TGFBRAP1: variants seen among roughly 807,000 people sequenced by gnomAD.
The protein encoded by TGFBRAP1 is transforming growth factor beta receptor associated protein 1.
In TGFBRAP1, 20 loss-of-function variants were observed where a neutral mutation model predicts 83.2. The observed-to-expected ratio is 0.24, with a 90% CI of 0.17 to 0.35. The LOEUF (loss-of-function observed/expected upper bound fraction) is 0.35, where lower values mean the gene tolerates loss of function less well. Ranked by LOEUF, TGFBRAP1 falls within the 10% of genes least tolerant of loss-of-function variation. The pLI is 1.00. For synonymous variants in TGFBRAP1, 415 were observed against 459.8 expected (o/e 0.90, Z 1.25); for missense variants, 950 against 1,099.4 (o/e 0.86, Z 1.92).
Position 105,269,282 on chromosome 2 carries a change from G to A in TGFBRAP1, c.2396C>T (p.Thr799Ile), listed in dbSNP as rs1388442740. 1 of 1,604,002 alleles carries A rather than the reference G, an allele frequency of 6.2e-7. No individual in the cohort carries two copies. Among genetic ancestry groups the A allele is most frequent in the Admixed American group, 1.7e-5 (1 of 59,748 alleles). The change falls in exon 11 of 12, where the codon ACC becomes ATC. Residue 799 changes from threonine to isoleucine, a missense_variant. Transcript: ENST00000393359. This position sits in a 1 kb window ranked among gnomAD's most constrained non-coding sequence, Gnocchi z 4.1. ...GGGGCCAGCACTTACCTTATCGTAG[G>A]TGTAGATTAAGTTTTCGGACCTGGC... The part of the protein sequence containing the change: ...GLARSENLIY[T>I]YDKMKLKGSS...
At chr2:105,279,895 G>C (rs1677472498) in intron 6 of TGFBRAP1, among the ~76,000 whole-genome samples, 1 of 151,844 alleles carries the variant, frequency 6.6e-6, no homozygotes, top group Non-Finnish European at 1.5e-5. Context: ...AAAATTACCT[G>C]GGTGTGGTGG....
chr2:105,284,253 A>T, intron 5 of TGFBRAP1, 63 bp downstream of exon 5: 1 of 1,493,000 alleles, frequency 6.7e-7, no homozygotes, highest in South Asian at 1.1e-5. Context: ...CACACCAGAA[A>T]CGCAGGTTCT....
rs540888174 is a variant in TGFBRAP1, at chr2:105,284,393, C to A, written c.1044G>T (p.Met348Ile). ...RNIPKEKFQV[M>I]YRRILQQAGF... ...CCGCCTGCTGCAGAATCCTTCTGTA[C>A]ATTACCTGCAAGGAAAGACGGGTGT... Residue 348 changes from methionine (M) to isoleucine (I), a missense_variant, in exon 5 of 12, where the codon ATG (methionine) becomes ATT (isoleucine). Physicochemically the swap from Met to Ile is conservative, Grantham distance 10 (BLOSUM62 1). Coordinates refer to ENST00000393359, the MANE Select transcript of TGFBRAP1 (RefSeq NM_004257.6). The A allele has an allele frequency of 6.2e-7, 1 of 1,613,914 alleles. No individual in the cohort carries two copies. Among genetic ancestry groups the A allele is most frequent in the South Asian group, 1.1e-5 (1 of 91,072 alleles).
At chr2:105,326,286 C>T (rs1679225107) in intron 1 of TGFBRAP1, among the ~76,000 whole-genome samples, 2 of 151,986 alleles carry the variant, frequency 1.3e-5, no homozygotes, top group South Asian at 2.1e-4. Context: ...AATATACATC[C>T]TATAAGAGTA....
chr2:105,274,417 T>C (rs1340788667), intron 8 of TGFBRAP1, among the ~76,000 whole-genome samples: 1 of 152,256 alleles, frequency 6.6e-6, no homozygotes, highest in South Asian at 2.1e-4. Context: ...TCATGTATTA[T>C]GGTATGAATT....
At chr2:105,252,903 C>T in the TGFBRAP1 span, among the ~76,000 whole-genome samples, 1 of 151,506 alleles carries the variant, frequency 6.6e-6, no homozygotes, top group Non-Finnish European at 1.5e-5. Flanking sequence ...CAGGGGTCCA[C>T]CACCACACCC....
Position 105,267,071 on chromosome 2 carries a change from CTTTT to C in TGFBRAP1, c.*308_*311del. 4.5e-6 allele frequency: 1 copy of C among 221,926 alleles called. No individual in the cohort carries two copies. Among genetic ancestry groups the C allele is most frequent in the Non-Finnish European group, 8.7e-6 (1 of 115,128 alleles). The allele number at this position is 221,926 out of a possible 1,614,324, so 13.7% of individuals were successfully genotyped here. On this transcript the variant is annotated 3_prime_UTR_variant, in exon 12 of 12. Coordinates refer to ENST00000393359, the MANE Select transcript of TGFBRAP1 (RefSeq NM_004257.6). ...GTCTGGACTGCATGAGGAAGACTCC[CTTTT>C]TTTTTTTTTCAAAGTAGACCTCTGT...
At chr2:105,303,295 C>T (rs540637702) in intron 2 of TGFBRAP1, among the ~76,000 whole-genome samples, 2 of 152,204 alleles carry the variant, frequency 1.3e-5, no homozygotes, top group African/African-American at 4.8e-5. Context: ...AAAAGACATA[C>T]TTCCCAGCAC....
Position 105,308,287 on chromosome 2 carries a change from T to G in TGFBRAP1, c.15A>C (p.Lys5Asn). MMSIKAFTLVSAVER... is the reference protein window; with the variant it reads MMSINAFTLVSAVER... ...CCACAGCAGAGACAAGCGTAAAGGC[T>G]TTGATGCTCATCATGTCTACTGGCT... Residue 5 changes from lysine to asparagine, a missense_variant, in exon 2 of 12, where the codon AAA becomes AAC. By Grantham distance (94) the Lys-to-Asn change is moderately conservative (BLOSUM62 0). Coordinates refer to ENST00000393359, the MANE Select transcript of TGFBRAP1 (RefSeq NM_004257.6). 6.2e-7 allele frequency: 1 copy of G among 1,609,192 alleles called. No homozygotes were observed. Among genetic ancestry groups the G allele is most frequent in the Non-Finnish European group, 8.5e-7 (1 of 1,175,936 alleles).
At chr2:105,296,328 A>T (rs752180337) in intron 4 of TGFBRAP1, 28 bp downstream of exon 4, 2 of 1,612,644 alleles carry the variant, frequency 1.2e-6, no homozygotes, top group Non-Finnish European at 1.7e-6. Flanking sequence ...ACTTAGAGGC[A>T]TATTTCTGTG....
rs1676969844 is a variant in TGFBRAP1 at position 105,267,179 on chromosome 2, TTCATAGAGCCTGGTCATTCCATGTAC to T, written c.*178_*203del. On this transcript the variant is annotated 3_prime_UTR_variant, in exon 12 of 12. Coordinates refer to ENST00000393359, the MANE Select transcript of TGFBRAP1 (RefSeq NM_004257.6). ...GATTTTTAGGGGTTTTCCATGTACA[TTCATAGAGCCTGGTCATTCCATGTAC>T]ATTCATAGAGCCTGGTCAGCAGCGA... 1.7e-4 allele frequency: 6 copies of T among 34,394 alleles called. No individual in the cohort carries two copies. Among genetic ancestry groups the T allele is most frequent in the African/African-American group, 1.7e-3 (5 of 2,990 alleles). The allele number at this position is 34,394 out of a possible 1,614,324, so 2.1% of individuals were successfully genotyped here. A position where few individuals can be genotyped will look rare whatever the true frequency, so the allele number is the denominator to read the frequency against.
Position 105,278,068 on chromosome 2 carries a change from ATGTGTGTGTGTGTGTG to A in TGFBRAP1, c.1464-413_1464-398del, listed in dbSNP as rs56983977. On this transcript the variant is annotated intron_variant, in intron 6 of 11. Transcript: ENST00000393359. ...AGTGAGACCCTGTCTCAAAAAATAT[ATGTGTGTGTGTGTGTG>A]TGTGTGTGTGTGTGTGTGTGTGTGT... Among the ~76,000 whole-genome samples, 731 of 145,478 alleles carry A rather than the reference ATGTGTGTGTGTGTGTG, an allele frequency of 5.0e-3. 4 individuals are homozygous for A. Among genetic ancestry groups the A allele is most frequent in the East Asian group, 0.01 (49 of 4,770 alleles).
At chr2:105,262,778 G>A (rs1239459582), downstream of TGFBRAP1, among the ~76,000 whole-genome samples, 1 of 152,218 alleles carries the variant, frequency 6.6e-6, no homozygotes, top group African/African-American at 2.4e-5. Flanking sequence ...CAGGCTGAAT[G>A]ATAGCTATTT....
At chr2:105,329,577 C>T (rs1202617357) in intron 1 of TGFBRAP1, 48 bp downstream of exon 1, 7 of 148,890 alleles carry the variant, frequency 4.7e-5, no homozygotes, top group Non-Finnish European at 6.0e-5. Flanking sequence ...CCCACGCGCC[C>T]CGCGCCCTGA....
At chr2:105,278,405 T>A (rs958539141) in intron 6 of TGFBRAP1, among the ~76,000 whole-genome samples, 2 of 152,184 alleles carry the variant, frequency 1.3e-5, no homozygotes, top group African/African-American at 4.8e-5. Context: ...GCAGGGGCTC[T>A]GAACATGAGG....
chr2:105,251,458 GC>G, the TGFBRAP1 span, among the ~76,000 whole-genome samples: 1 of 150,544 alleles, frequency 6.6e-6, no homozygotes, highest in African/African-American at 2.5e-5. Flanking sequence ...CCTGGCAACC[GC>G]CCCGTCTGAG....
intron 1 of TGFBRAP1, among the ~76,000 whole-genome samples, chr2:105,325,311 A>C (rs1171231391): frequency 1.3e-5 from 2 of 152,122 alleles, no homozygotes; most frequent in African/African-American, 4.8e-5. Context: ...GTTTGGTGGG[A>C]TACTGCACAC....
At chr2:105,319,032 C>T (rs1378364400) in intron 1 of TGFBRAP1, among the ~76,000 whole-genome samples, 1 of 152,078 alleles carries the variant, frequency 6.6e-6, no homozygotes, top group Non-Finnish European at 1.5e-5. Flanking sequence ...AAAGTCACAG[C>T]AGGAAGAATA....
the TGFBRAP1 span, among the ~76,000 whole-genome samples, chr2:105,256,160 T>C: frequency 1.3e-5 from 2 of 152,248 alleles, no homozygotes; most frequent in Admixed American, 6.5e-5. Context: ...ACAGGCAGAA[T>C]ACCAGAAGGA....
Sources: allele counts gnomAD v4.1 joint callset (sites outside exome capture counted in the v4.1 genomes callset), GRCh38; gene constraint gnomAD v4.1.1; non-coding constraint Gnocchi (gnomAD v3.1); transcripts MANE v1.5; gene names NCBI Gene and HGNC (gene_info 2026-07-23, HGNC 2026-07-21).